Variants in SYNPO2L observed in about 807,000 individuals in gnomAD.
The protein encoded by SYNPO2L is synaptopodin 2-like protein.
A neutral mutation model predicts 47.5 loss-of-function variants in SYNPO2L; 34 were observed. The observed-to-expected ratio is 0.72, with a 90% CI of 0.54 to 0.95. SYNPO2L has a LOEUF of 0.95. Among genes scored for constraint, SYNPO2L ranks in the 40% least tolerant of loss-of-function variants. The probability of loss-of-function intolerance (pLI) is 0.00; values close to 1 mark genes in which losing one functional copy is unlikely to be tolerated. For synonymous variants in SYNPO2L, 536 were observed against 524.9 expected (o/e 1.02, Z -0.29); for missense variants, 1,246 against 1,282.0 (o/e 0.97, Z 0.43).
chr10:73,647,836 G>A lies in SYNPO2L; in HGVS notation c.1816C>T (p.Pro606Ser), dbSNP rs540423694. The A allele has an allele frequency of 4.8e-5, 75 of 1,570,156 alleles. No homozygotes were observed. Among genetic ancestry groups the A allele is most frequent in the Middle Eastern group, 3.5e-4 (2 of 5,666 alleles). Residue 606 changes from proline to serine, a missense_variant, in exon 4 of 4, where the codon CCC becomes TCC. By Grantham distance (74) the Pro-to-Ser change is moderately conservative. Transcript: ENST00000394810. Reference sequence around the variant, plus strand: ...ATGCGCTGCTCGCGAGCGCTGGGGGGCTCAGGAGCCCCTGGGCCTGGGGCA... The same window carrying A: ...ATGCGCTGCTCGCGAGCGCTGGGGGACTCAGGAGCCCCTGGGCCTGGGGCA... ...APAPGPGAPE[P>S]PSAREQRISV...
chr10:73,649,781 T>C, intron 3 of SYNPO2L: 1 of 985,338 alleles, frequency 1.0e-6, no homozygotes, highest in Non-Finnish European at 1.2e-6. Flanking sequence ...GCCAGGGCAG[T>C]CCTCTGGGCT....
At chr10:73,652,996 G>T in intron 3 of SYNPO2L, 143 bp downstream of exon 3, 1 of 991,318 alleles carries the variant, frequency 1.0e-6, no homozygotes, top group Non-Finnish European at 1.4e-6. Flanking sequence ...GAATAATTAT[G>T]CTCCCCTTCT....
In SYNPO2L at chr10:73,646,549, A is replaced by G. The variant is rs1589449961; in HGVS notation, c.*169T>C. On this transcript the variant is annotated 3_prime_UTR_variant, in exon 4 of 4. Transcript: ENST00000394810. ...CATACTTGGTTGGAAAGCGGCAGGG[A>G]GGTAGAGAGTGAGGAGGAAGGTGGG... 1 of 1,270,486 alleles carries G rather than the reference A, an allele frequency of 7.9e-7. No homozygotes were observed. 78.7% of individuals were successfully genotyped at this position (1,270,486 alleles called of 1,614,324 possible). A position where few individuals can be genotyped will look rare whatever the true frequency, so the allele number is the denominator to read the frequency against.
chr10:73,652,627 G>A (rs1047313026), intron 3 of SYNPO2L, among the ~76,000 whole-genome samples: 8 of 152,102 alleles, frequency 5.3e-5, no homozygotes, highest in Non-Finnish European at 8.8e-5. Flanking sequence ...CCAAGATCAC[G>A]CCATTGCATT....
chr10:73,646,997 C>T lies in SYNPO2L; in HGVS notation c.2655G>A (p.Gln885=), dbSNP rs371198977. The change falls in exon 4 of 4, where the codon CAG becomes CAA. Residue 885 remains glutamine, a synonymous_variant. Transcript: ENST00000394810. The stretch of plus-strand genomic sequence containing the variant: ...CCGGAGTGGAAAACCGGCGAATCTC[C>T]TGGACTCGGGCAGTTTTGGGGGACC... ...ASGSPKTARV[Q]EIRRFSTPAP... The T allele has an allele frequency of 2.0e-4, 317 of 1,613,168 alleles. 2 individuals carry two copies. The highest frequency in any genetic ancestry group is 2.6e-4 in the Non-Finnish European group (302 of 1,179,378).
chr10:73,649,968 AC>A, intron 3 of SYNPO2L: 1 of 985,390 alleles, frequency 1.0e-6, no homozygotes, highest in Non-Finnish European at 1.2e-6. Context: ...AGGGGTCAGA[AC>A]TGTCTCTACG....
rs957513687 is a variant in SYNPO2L, at chr10:73,645,211, A to G, written c.*1507T>C. 1.6e-5 allele frequency: 18 copies of G among 1,138,912 alleles called. No homozygotes were observed. The highest frequency in any genetic ancestry group is 1.7e-5 in the Non-Finnish European group (16 of 915,584). 70.6% of individuals were successfully genotyped at this position (1,138,912 alleles called of 1,614,324 possible). ...CACACAGACACCAACCGTTCTTTCA[A>G]CACTCAGCACACACCCTCACACCTC... On this transcript the variant is annotated 3_prime_UTR_variant, in exon 4 of 4. Transcript: ENST00000394810.
chr10:73,647,248 A>G lies in SYNPO2L; in HGVS notation c.2404T>C (p.Ser802Pro). The G allele has an allele frequency of 1.2e-6, 2 of 1,613,922 alleles. No homozygotes were observed. Among genetic ancestry groups the G allele is most frequent in the Non-Finnish European group, 1.7e-6 (2 of 1,179,952 alleles). The change falls in exon 4 of 4, where the codon TCA becomes CCA. Residue 802 changes from serine (S) to proline (P), a missense_variant. Coordinates refer to ENST00000394810, the MANE Select transcript of SYNPO2L (RefSeq NM_001114133.3). ...TPSLPPSWKY[S>P]PNIRAPPPIA... ...GGAGGCGGGGCACGGATGTTGGGTG[A>G]ATATTTCCAGGAAGGGGGCAGAGAC...
rs758613243 is a variant in SYNPO2L, at chr10:73,647,721, G to C, written c.1931C>G (p.Thr644Arg). 1 of 1,614,124 alleles carries C rather than the reference G, an allele frequency of 6.2e-7. No individual in the cohort carries two copies. Among genetic ancestry groups the C allele is most frequent in the South Asian group, 1.1e-5 (1 of 91,076 alleles). ...KQMFRPGKEE[T>R]KNSPNPELLS... Reference sequence around the variant, plus strand: ...CAGCTCGGGGTTGGGCGAGTTCTTCGTCTCCTCCTTTCCCGGCCGGAACAT... The same window carrying C: ...CAGCTCGGGGTTGGGCGAGTTCTTCCTCTCCTCCTTTCCCGGCCGGAACAT... The change falls in exon 4 of 4, where the codon ACG (threonine) becomes AGG (arginine). Residue 644 changes from threonine to arginine, a missense_variant. This residue lies in a region of SYNPO2L where 1,037 missense variants were observed against 1,021.5 expected (regional missense o/e 1.02). Coordinates refer to ENST00000394810, the MANE Select transcript of SYNPO2L (RefSeq NM_001114133.3).
chr10:73,653,745 G>A, intron 2 of SYNPO2L, 92 bp from the exon 3 acceptor site: 1 of 1,424,576 alleles, frequency 7.0e-7, no homozygotes, highest in African/African-American at 1.4e-5. Context: ...GTAAGGGGGA[G>A]GGAAGAGGTA....
At chr10:73,653,899 AG>A (rs1380807479) in intron 2 of SYNPO2L, 1 of 730,898 alleles carries the variant, frequency 1.4e-6, no homozygotes, top group African/African-American at 1.8e-5. Flanking sequence ...GAAACAGGCC[AG>A]GGGTTGAAGT....
chr10:73,654,200 G>A lies in SYNPO2L; in HGVS notation c.186C>T (p.Thr62=). Residue 62 remains threonine (T), a synonymous_variant, in exon 2 of 4, where the codon ACC becomes ACT. Coordinates refer to ENST00000394810, the MANE Select transcript of SYNPO2L (RefSeq NM_001114133.3). ...TCATGGCACTGGCATGGGAGAGGTTGGTGCAAGAGACCCCATTGATTGCCA... is the reference window on the plus strand; with the variant it reads ...TCATGGCACTGGCATGGGAGAGGTTAGTGCAAGAGACCCCATTGATTGCCA... ...QLLAINGVSC[T]NLSHASAMSL... The A allele has an allele frequency of 6.4e-7, 1 of 1,551,642 alleles. No homozygotes were observed. The highest frequency in any genetic ancestry group is 2.4e-5 in the East Asian group (1 of 40,918).
chr10:73,655,966 C>A lies in SYNPO2L; in HGVS notation c.-44G>T, dbSNP rs947935212. 3.3e-6 allele frequency: 5 copies of A among 1,507,698 alleles called. No individual in the cohort carries two copies. In the African/African-American group the frequency reaches 7.0e-5, roughly 21 times the overall value. The allele number at this position is 1,507,698 out of a possible 1,614,324, so 93.4% of individuals were successfully genotyped here. On this transcript the variant is annotated 5_prime_UTR_variant, in exon 1 of 4. Transcript: ENST00000394810. ...GCCCCCGGAGTTTGAACAGTGTCCC[C>A]AGGAGAGAAGTTGAGGTGCTCGAAC... is the stretch of plus-strand genomic sequence containing the variant.
intron 3 of SYNPO2L, chr10:73,649,973 C>G (rs2081826379): frequency 2.0e-6 from 2 of 985,424 alleles, no homozygotes; most frequent in Non-Finnish European, 1.2e-6. Flanking sequence ...TCAGAACTGT[C>G]TCTACGTAGA....
rs140424913 is a variant in SYNPO2L at position 73,647,223 on chromosome 10, G to C, written c.2429C>G (p.Pro810Arg). 1 of 1,614,032 alleles carries C rather than the reference G, an allele frequency of 6.2e-7. No individual in the cohort carries two copies. Among genetic ancestry groups the C allele is most frequent in the Non-Finnish European group, 8.5e-7 (1 of 1,179,962 alleles). Residue 810 changes from proline (P) to arginine (R), a missense_variant, in exon 4 of 4, where the codon CCT becomes CGT. Pro to Arg is a moderately radical substitution (Grantham distance 103). Transcript: ENST00000394810. ...KYSPNIRAPP[P>R]IAYNPLLSPF... ...AGAGAGCAGTGGGTTGTAAGCAATAGGAGGCGGGGCACGGATGTTGGGTGA... is the reference window on the plus strand; with the variant it reads ...AGAGAGCAGTGGGTTGTAAGCAATACGAGGCGGGGCACGGATGTTGGGTGA...
At position 73,646,640 on chromosome 10, in the gene SYNPO2L, GGGGAT is replaced by G. The variant is rs2081753043; in HGVS notation, c.*73_*77del. 7.4e-7 allele frequency: 1 copy of G among 1,354,282 alleles called. No homozygotes were observed. The highest frequency in any genetic ancestry group is 9.6e-7 in the Non-Finnish European group (1 of 1,046,244). The allele number at this position is 1,354,282 out of a possible 1,614,324, so 83.9% of individuals were successfully genotyped here. A position where few individuals can be genotyped will look rare whatever the true frequency, so the allele number is the denominator to read the frequency against. ...CAATTTAGCTTCCAGATGCGTGACA[GGGGAT>G]GGGATAGGGTAGGAGAAGCAACTTT... is the stretch of plus-strand genomic sequence containing the variant. On this transcript the variant is annotated 3_prime_UTR_variant, in exon 4 of 4. Coordinates refer to ENST00000394810, the MANE Select transcript of SYNPO2L (RefSeq NM_001114133.3).
chr10:73,645,766 C>T lies in SYNPO2L; in HGVS notation c.*952G>A, dbSNP rs1483147615. The T allele has an allele frequency of 1.0e-6, 1 of 985,736 alleles. No individual in the cohort carries two copies. Among genetic ancestry groups the T allele is most frequent in the African/African-American group, 1.7e-5 (1 of 57,218 alleles). 61.1% of individuals were successfully genotyped at this position (985,736 alleles called of 1,614,324 possible). ...GTGAATCTCTTTCTCCCACTCAACT[C>T]CATGTGGGGATATCTGACCCTTCTA... On this transcript the variant is annotated 3_prime_UTR_variant, in exon 4 of 4. Coordinates refer to ENST00000394810, the MANE Select transcript of SYNPO2L (RefSeq NM_001114133.3).
rs775212790 is a variant in SYNPO2L at position 73,647,894 on chromosome 10, C to A, written c.1758G>T (p.Ala586=). 4.7e-5 allele frequency: 72 copies of A among 1,530,188 alleles called. No individual in the cohort carries two copies. The highest frequency in any genetic ancestry group is 2.6e-4 in the Admixed American group (12 of 45,636). 94.8% of individuals were successfully genotyped at this position (1,530,188 alleles called of 1,614,324 possible). Residue 586 remains alanine, a synonymous_variant, in exon 4 of 4, where the codon GCG becomes GCT. Transcript: ENST00000394810. ...MTSTASIFLS[A]PLRPSARPEA... ...CTGGGCGCGCAGAGGGTCGCAAAGGCGCAGATAGGAAGATAGAAGCGGTGG... is the reference window on the plus strand; with the variant it reads ...CTGGGCGCGCAGAGGGTCGCAAAGGAGCAGATAGGAAGATAGAAGCGGTGG...
Position 73,646,764 on chromosome 10 carries a change from G to T in SYNPO2L, c.2888C>A (p.Thr963Lys). The T allele has an allele frequency of 6.6e-7, 1 of 1,519,404 alleles. No individual in the cohort carries two copies. 94.1% of individuals were successfully genotyped at this position (1,519,404 alleles called of 1,614,324 possible). The change falls in exon 4 of 4, where the codon ACA becomes AAA. Residue 963 changes from threonine to lysine, a missense_variant. Coordinates refer to ENST00000394810, the MANE Select transcript of SYNPO2L (RefSeq NM_001114133.3). ...CCTCCACACATGAGCTTGCAATCCT[G>T]TTCTGGTGGCTGAAAATCGGGGCCT... Reference protein sequence around the residue: ...VARPRFSATRTGLQAHVWRPG... With the variant: ...VARPRFSATRKGLQAHVWRPG...
Sources: gnomAD v4.1 joint callset for allele counts (sites outside exome capture counted in the v4.1 genomes callset) on GRCh38, gnomAD v4.1.1 for gene constraint, gnomAD v4.1.1 regional missense constraint, MANE v1.5 for transcripts, NCBI Gene and HGNC (gene_info 2026-07-23, HGNC 2026-07-21) for gene names.